The following ATE1 variants were observed in gnomAD, a reference collection of about 807,000 sequenced individuals.
ATE1 encodes the protein arginyltransferase 1, also known as arginyl-tRNA--protein transferase 1.
A neutral mutation model predicts 70.5 loss-of-function variants in ATE1; 36 were observed. The ratio of observed to expected loss-of-function variants is 0.51; its 90% confidence interval spans 0.39 to 0.67. ATE1 has a LOEUF of 0.67. Ranked by LOEUF, ATE1 falls within the 30% of genes least tolerant of loss-of-function variation. ATE1 has a pLI of 0.00. For synonymous variants in ATE1, 232 were observed against 219.3 expected, an observed-to-expected ratio of 1.06 and a Z score of -0.51; for missense variants, 593 against 629.5, an observed-to-expected ratio of 0.94 and a Z score of 0.62.
At chr10:121,926,986 C>T (rs907653861) in intron 1 of ATE1, 2 of 985,322 alleles carry the variant, frequency 2.0e-6, no homozygotes, top group African/African-American at 3.5e-5. Flanking sequence ...AAATCATTCC[C>T]CACTTACACC....
chr10:121,773,561 C>CT (rs1348019977), intron 11 of ATE1, among the ~76,000 whole-genome samples: 58 of 152,168 alleles, frequency 3.8e-4, no homozygotes, highest in Admixed American at 3.8e-3. Flanking sequence ...AAGGTTGAGA[C>CT]TTTAAGTAAA....
At chr10:121,784,171 C>T (rs529385502) in intron 11 of ATE1, among the ~76,000 whole-genome samples, 4 of 152,332 alleles carry the variant, frequency 2.6e-5, no homozygotes, top group East Asian at 1.9e-4. Context: ...GTCTGGCCAG[C>T]GCTCTAACAA....
chr10:121,904,513 C>T (rs1473710748), intron 5 of ATE1, among the ~76,000 whole-genome samples: 1 of 151,072 alleles, frequency 6.6e-6, no homozygotes, highest in Non-Finnish European at 1.5e-5. Flanking sequence ...TGGTGGCGCA[C>T]GCCTGTAGTC....
chr10:121,778,330 C>T lies in ATE1; in HGVS notation c.1378+11839G>A, dbSNP rs142753104. On this transcript the variant is annotated intron_variant, in intron 11 of 11. Coordinates refer to ENST00000224652, the MANE Select transcript of ATE1 (RefSeq NM_001001976.3). ...ATAACAAAAAAACAATGGAGTGCATCGTATTTAATGCCCTAAGGATCACAT... is the reference window on the plus strand; with the variant it reads ...ATAACAAAAAAACAATGGAGTGCATTGTATTTAATGCCCTAAGGATCACAT... Among the ~76,000 whole-genome samples, 976 of 152,240 alleles carry T rather than the reference C, an allele frequency of 6.4e-3. 1 individual carries two copies. Among genetic ancestry groups the T allele is most frequent in the South Asian group, 0.016 (76 of 4,822 alleles).
chr10:121,887,936 T>C (rs1950456920), intron 7 of ATE1, among the ~76,000 whole-genome samples: 1 of 152,006 alleles, frequency 6.6e-6, no homozygotes, highest in African/African-American at 2.4e-5. Context: ...CTCTCCCACC[T>C]CTCCATAATA....
At chr10:121,760,610 G>A (rs563993434) in intron 11 of ATE1, among the ~76,000 whole-genome samples, 1 of 152,328 alleles carries the variant, frequency 6.6e-6, no homozygotes, top group African/African-American at 2.4e-5. Context: ...TCTTATGGAA[G>A]AGCAAAGAAA....
intron 11 of ATE1, among the ~76,000 whole-genome samples, chr10:121,756,920 T>G (rs1379133189): frequency 6.6e-6 from 1 of 152,248 alleles, no homozygotes; most frequent in Non-Finnish European, 1.5e-5. Flanking sequence ...TCCTTGTTAC[T>G]TACGCAAATT....
At chr10:121,851,023 G>A (rs1231259778) in intron 8 of ATE1, among the ~76,000 whole-genome samples, 2 of 143,544 alleles carry the variant, frequency 1.4e-5, no homozygotes, top group East Asian at 4.1e-4. Flanking sequence ...CCTGGGACGT[G>A]GAGCTTGCAG....
intron 10 of ATE1, among the ~76,000 whole-genome samples, chr10:121,806,703 GA>G (rs1409699208): frequency 6.6e-6 from 1 of 152,140 alleles, no homozygotes; most frequent in Non-Finnish European, 1.5e-5. Flanking sequence ...CTTGATGTTT[GA>G]AACCTACTTT....
intron 5 of ATE1, 147 bp from the exon 6 acceptor site, chr10:121,902,767 G>A (rs537504810): frequency 2.5e-6 from 2 of 792,780 alleles, no homozygotes; most frequent in Admixed American, 3.0e-5. Flanking sequence ...TCCTGATACA[G>A]AGCTGTAAGT....
intron 1 of ATE1, chr10:121,927,319 T>G: frequency 1.0e-6 from 1 of 985,088 alleles, no homozygotes; most frequent in Non-Finnish European, 1.2e-6. Flanking sequence ...GGTCACCAGT[T>G]TCTTGTCCTT....
chr10:121,870,691 T>C (rs766312472), intron 7 of ATE1, among the ~76,000 whole-genome samples: 8 of 152,166 alleles, frequency 5.3e-5, no homozygotes, highest in African/African-American at 1.2e-4. Flanking sequence ...TAGAGGAATA[T>C]AGAATATCAC....
chr10:121,920,845 T>C (rs1951852301), intron 3 of ATE1, among the ~76,000 whole-genome samples: 1 of 151,778 alleles, frequency 6.6e-6, no homozygotes, highest in Non-Finnish European at 1.5e-5. Context: ...ATACAAAAAA[T>C]TAGCCGGGCG....
Position 121,840,958 on chromosome 10 carries a change from C to A in ATE1, c.1157+124G>T, listed in dbSNP as rs181976943. 3 of 908,160 alleles carry A rather than the reference C, an allele frequency of 3.3e-6. No individual in the cohort carries two copies. The East Asian group carries it at 9.4e-5, about 29-fold the overall frequency. The allele number at this position is 908,160 out of a possible 1,614,324, so 56.3% of individuals were successfully genotyped here. A position where few individuals can be genotyped will look rare whatever the true frequency, so the allele number is the denominator to read the frequency against. Reference sequence around the variant, plus strand: ...GTATGTATTCTATGTAAGAGACTAGCAACAAATCATTATAATACACTGTCA... The same window carrying A: ...GTATGTATTCTATGTAAGAGACTAGAAACAAATCATTATAATACACTGTCA... On this transcript the variant is annotated intron_variant, in intron 9 of 11. Coordinates refer to ENST00000224652, the MANE Select transcript of ATE1 (RefSeq NM_001001976.3).
At chr10:121,848,385 G>C (rs1189844922) in intron 8 of ATE1, among the ~76,000 whole-genome samples, 1 of 151,974 alleles carries the variant, frequency 6.6e-6, no homozygotes, top group Non-Finnish European at 1.5e-5. Context: ...GGGAGGCAGA[G>C]GCAGGCCGAT....
chr10:121,927,218 G>C (rs533551528), intron 1 of ATE1: 1 of 985,290 alleles, frequency 1.0e-6, no homozygotes, highest in East Asian at 1.1e-4. Context: ...GCTGTCGTCC[G>C]GGTGGGTGGA....
At chr10:121,774,160 G>A (rs566538666) in intron 11 of ATE1, among the ~76,000 whole-genome samples, 33 of 152,220 alleles carry the variant, frequency 2.2e-4, no homozygotes, top group Admixed American at 7.2e-4. Context: ...CAATGGATAC[G>A]CAATAATGGA....
At chr10:121,782,194 A>G (rs1338443049) in intron 11 of ATE1, among the ~76,000 whole-genome samples, 1 of 152,244 alleles carries the variant, frequency 6.6e-6, no homozygotes, top group Non-Finnish European at 1.5e-5. Context: ...TTACTAGTAG[A>G]CATTGTATTG....
chr10:121,891,824 A>G (rs1197578245), intron 7 of ATE1, among the ~76,000 whole-genome samples: 1 of 152,190 alleles, frequency 6.6e-6, no homozygotes, highest in Non-Finnish European at 1.5e-5. Flanking sequence ...AATGTTTTCC[A>G]ACGAAAAAAG....
Sources: allele counts gnomAD v4.1 joint callset (sites outside exome capture counted in the v4.1 genomes callset), GRCh38; gene constraint gnomAD v4.1.1; transcripts MANE v1.5; gene names NCBI Gene and HGNC (gene_info 2026-07-23, HGNC 2026-07-21).